Variants in HIRA observed in about 807,000 individuals in gnomAD.
HIRA encodes the protein protein HIRA.
A neutral mutation model predicts 126.6 loss-of-function variants in HIRA; 13 were observed. The observed-to-expected ratio is 0.10, with a 90% CI of 0.07 to 0.16. The LOEUF (loss-of-function observed/expected upper bound fraction) is 0.16. Ranked by LOEUF, HIRA falls within the 10% of genes least tolerant of loss-of-function variation. The probability of loss-of-function intolerance (pLI) is 1.00; values close to 1 mark genes in which losing one functional copy is unlikely to be tolerated. For synonymous variants in HIRA, 511 were observed against 520.0 expected, an observed-to-expected ratio of 0.98 and a Z score of 0.24; for missense variants, 834 against 1,314.4, an observed-to-expected ratio of 0.63 and a Z score of 5.65.
intron 24 of HIRA, among the ~76,000 whole-genome samples, chr22:19,348,975 G>T (rs1601807439): frequency 6.6e-6 from 1 of 151,202 alleles, no homozygotes; most frequent in African/African-American, 2.4e-5. Context: ...GTAGAGTCGG[G>T]GTTTCACCAT....
chr22:19,390,625 A>AG (rs1569304501), intron 9 of HIRA, among the ~76,000 whole-genome samples: 2 of 148,556 alleles, frequency 1.3e-5, no homozygotes, highest in Non-Finnish European at 3.0e-5. Flanking sequence ...AAAAAAAAAA[A>AG]AAGAAGCTGA....
rs752485345 is a variant in HIRA, at chr22:19,385,615, T to G, written c.1235A>C (p.Gln412Pro). The G allele has an allele frequency of 1.2e-6, 2 of 1,608,580 alleles. No homozygotes were observed. The highest frequency in any genetic ancestry group is 2.2e-5 in the South Asian group (2 of 90,944). ...LKYQRRQQQQ[Q>P]LDQKSAATRE... ...GGTCGCAGCACTCTTCTGGTCCAGC[T>G]GCTGCTGCTGCTGCCTTCGCTGGTA... Residue 412 changes from glutamine (Q) to proline (P), a missense_variant, in exon 12 of 25, where the codon CAG becomes CCG. Coordinates refer to ENST00000263208, the MANE Select transcript of HIRA (RefSeq NM_003325.4).
intron 3 of HIRA, among the ~76,000 whole-genome samples, chr22:19,407,636 CAA>C (rs769614453): frequency 4.6e-5 from 7 of 152,106 alleles, no homozygotes; most frequent in Non-Finnish European, 8.8e-5. Context: ...AGATTATTCT[CAA>C]AAAAAGAGTA....
intron 10 of HIRA, among the ~76,000 whole-genome samples, 160 bp from the exon 11 acceptor site, chr22:19,387,976 G>T (rs926347876): frequency 5.9e-5 from 9 of 151,488 alleles, no homozygotes; most frequent in African/African-American, 1.5e-4. Flanking sequence ...CCTGGGCGGG[G>T]GGGGGAGGGG....
intron 10 of HIRA, 43 bp from the exon 11 acceptor site, chr22:19,387,859 G>C (rs1314048911): frequency 1.4e-6 from 2 of 1,449,946 alleles, no homozygotes; most frequent in Admixed American, 1.8e-5. Flanking sequence ...AAGAGCCCCA[G>C]GCAGACACAT....
chr22:19,375,910 CA>C, intron 14 of HIRA, 118 bp from the exon 15 acceptor site: 2 of 1,042,706 alleles, frequency 1.9e-6, no homozygotes, highest in Non-Finnish European at 2.8e-6. Context: ...TCCATAAACA[CA>C]AAAAATGTCA....
At chr22:19,360,440 C>CT (rs1487378996) in intron 17 of HIRA, among the ~76,000 whole-genome samples, 1 of 152,208 alleles carries the variant, frequency 6.6e-6, no homozygotes, top group African/African-American at 2.4e-5. Context: ...GGTTCCTACC[C>CT]TTTGGCTTCC....
At chr22:19,384,085 C>T (rs747695669) in intron 12 of HIRA, among the ~76,000 whole-genome samples, 25 of 151,920 alleles carry the variant, frequency 1.6e-4, no homozygotes, top group South Asian at 1.0e-3. Context: ...TTGGGGAGGC[C>T]GAGGTGGACA....
intron 7 of HIRA, among the ~76,000 whole-genome samples, chr22:19,395,803 T>A (rs2089218930): frequency 6.6e-6 from 1 of 152,208 alleles, no homozygotes; most frequent in African/African-American, 2.4e-5. Flanking sequence ...AGAGACTCCA[T>A]CTCAATCCAC....
chr22:19,354,622 G>C (rs1396653989), intron 21 of HIRA, among the ~76,000 whole-genome samples: 2 of 152,242 alleles, frequency 1.3e-5, no homozygotes, highest in African/African-American at 4.8e-5. Context: ...TTTTAGAACA[G>C]CTAGATGTCT....
chr22:19,341,512 A>G (rs2088629332), intron 24 of HIRA, among the ~76,000 whole-genome samples: 1 of 152,090 alleles, frequency 6.6e-6, no homozygotes, highest in South Asian at 2.1e-4. Context: ...AAAGCAAGAT[A>G]AAGCTGGAGG....
chr22:19,340,536 G>T (rs1176394740), intron 24 of HIRA, among the ~76,000 whole-genome samples: 2 of 152,082 alleles, frequency 1.3e-5, no homozygotes, highest in Non-Finnish European at 2.9e-5. Flanking sequence ...ACAAGAGAAA[G>T]AAATAAAGGG....
chr22:19,386,475 C>A (rs189227567), intron 11 of HIRA, among the ~76,000 whole-genome samples: 1 of 152,264 alleles, frequency 6.6e-6, no homozygotes, highest in Admixed American at 6.5e-5. Flanking sequence ...CTGTGGTTAA[C>A]AGGACATCTG....
intron 1 of HIRA, among the ~76,000 whole-genome samples, chr22:19,424,004 T>C (rs2089469691): frequency 6.6e-6 from 1 of 152,184 alleles, no homozygotes; most frequent in East Asian, 1.9e-4. Flanking sequence ...GTACATCAAC[T>C]CTACCAGCCA....
chr22:19,339,496 G>A (rs1400784244), intron 24 of HIRA, among the ~76,000 whole-genome samples: 1 of 152,162 alleles, frequency 6.6e-6, no homozygotes, highest in East Asian at 1.9e-4. Context: ...AATTAGCTGG[G>A]TGTGGTGACG....
At chr22:19,393,647 T>C (rs2089200612) in intron 8 of HIRA, among the ~76,000 whole-genome samples, 1 of 152,188 alleles carries the variant, frequency 6.6e-6, no homozygotes, top group South Asian at 2.1e-4. Context: ...TGAGCCACCG[T>C]GTCCGGCCGA....
Position 19,352,825 on chromosome 22 carries a change from T to C in HIRA, c.2848+531A>G, listed in dbSNP as rs563324928. 5.3e-5 allele frequency among the ~76,000 whole-genome samples: 8 copies of C among 152,324 alleles called. No homozygotes were observed. The East Asian group carries it at 1.2e-3, about 22-fold the overall frequency. On this transcript the variant is annotated intron_variant, in intron 23 of 24. Coordinates refer to ENST00000263208, the MANE Select transcript of HIRA (RefSeq NM_003325.4). ...GTGGGAGGAAAAGTTGGTAAGGCTA[T>C]TGGAGTCACTGTGAGGACAGTGCAG...
chr22:19,346,143 T>A (rs2088684552), intron 24 of HIRA, among the ~76,000 whole-genome samples: 1 of 151,356 alleles, frequency 6.6e-6, no homozygotes, highest in Non-Finnish European at 1.5e-5. Context: ...TGGTTGGAAG[T>A]CCACCCTCCA....
intron 20 of HIRA, 66 bp downstream of exon 20, chr22:19,356,164 C>G (rs781855275): frequency 6.8e-7 from 1 of 1,462,712 alleles, no homozygotes; most frequent in Non-Finnish European, 9.6e-7. Flanking sequence ...GAGCGGGGCC[C>G]TTCTGCAGCA....
Sources: allele counts gnomAD v4.1 joint callset (sites outside exome capture counted in the v4.1 genomes callset), GRCh38; gene constraint gnomAD v4.1.1; transcripts MANE v1.5; gene names NCBI Gene and HGNC (gene_info 2026-07-23, HGNC 2026-07-21).